The following SETBP1 variants were observed in gnomAD, a reference collection of about 807,000 sequenced individuals.
The protein encoded by SETBP1 is SET binding protein 1.
Under a neutral mutation model 101.0 loss-of-function variants are expected in SETBP1, and 9 were observed. That is an observed-to-expected ratio of 0.09 (90% CI 0.05 to 0.16). SETBP1 has a LOEUF of 0.16. Ranked by LOEUF, SETBP1 falls within the 10% of genes least tolerant of loss-of-function variation. The pLI is 1.00. For missense variants in SETBP1, 1,858 were observed against 2,033.8 expected (o/e 0.91, Z 1.66); for synonymous variants, 818 against 788.5 (o/e 1.04, Z -0.63).
At chr18:44,853,352 CTGA>C (rs1022505312) in intron 2 of SETBP1, among the ~76,000 whole-genome samples, 1 of 152,208 alleles carries the variant, frequency 6.6e-6, no homozygotes, top group Non-Finnish European at 1.5e-5. Context: ...GTATCTTCTC[CTGA>C]TGATCTCATT....
At chr18:45,038,395 A>G in intron 4 of SETBP1, 90 bp from the exon 5 acceptor site, 1 of 1,180,828 alleles carries the variant, frequency 8.5e-7, no homozygotes, top group Non-Finnish European at 1.3e-6. Context: ...AAATCATTTG[A>G]CCATTTCCTC....
intron 2 of SETBP1, among the ~76,000 whole-genome samples, chr18:44,855,795 A>G (rs753628279): frequency 6.6e-6 from 1 of 152,210 alleles, no homozygotes; most frequent in Non-Finnish European, 1.5e-5. Flanking sequence ...TGCCTGCCAC[A>G]TTGAGGGGAA....
At chr18:44,690,317 T>C (rs1368819219) in intron 1 of SETBP1, among the ~76,000 whole-genome samples, 4 of 152,220 alleles carry the variant, frequency 2.6e-5, no homozygotes, top group East Asian at 1.9e-4. Context: ...CTGGTATGCT[T>C]AGCATCTCCT....
chr18:44,714,917 C>T (rs554064449), intron 2 of SETBP1, among the ~76,000 whole-genome samples: 20 of 152,228 alleles, frequency 1.3e-4, no homozygotes, highest in African/African-American at 4.3e-4. Flanking sequence ...GCTGTTCCTT[C>T]TTTTGGGTTT....
intron 2 of SETBP1, among the ~76,000 whole-genome samples, chr18:44,713,791 G>A (rs1185354008): frequency 6.6e-6 from 1 of 152,124 alleles, no homozygotes; most frequent in East Asian, 1.9e-4. Flanking sequence ...CGATTCTCTA[G>A]GCTAAAATTC....
At chr18:44,796,352 C>T (rs2071475235) in intron 2 of SETBP1, among the ~76,000 whole-genome samples, 1 of 152,150 alleles carries the variant, frequency 6.6e-6, no homozygotes, top group African/African-American at 2.4e-5. Context: ...CTGCCTATTG[C>T]GCTAGGAGAG....
At chr18:44,771,802 A>G (rs964342034) in intron 2 of SETBP1, among the ~76,000 whole-genome samples, 3 of 152,226 alleles carry the variant, frequency 2.0e-5, no homozygotes, top group Non-Finnish European at 4.4e-5. Context: ...CTGGAGGTGC[A>G]GCAAGAACAG....
At chr18:45,043,311 G>T (rs1265328352) in intron 5 of SETBP1, among the ~76,000 whole-genome samples, 1 of 151,854 alleles carries the variant, frequency 6.6e-6, no homozygotes, top group African/African-American at 2.4e-5. Context: ...GCACTTGAAA[G>T]ACTAGACTAG....
At chr18:44,821,954 G>T (rs1390321793) in intron 2 of SETBP1, among the ~76,000 whole-genome samples, 2 of 152,198 alleles carry the variant, frequency 1.3e-5, no homozygotes, top group Non-Finnish European at 2.9e-5. Flanking sequence ...TGCTGCTGGA[G>T]CAGGAAGGCA....
chr18:44,876,493 G>T lies in SETBP1; in HGVS notation c.540+7210G>T, dbSNP rs893327878. 4 of 1,069,302 alleles carry T rather than the reference G, an allele frequency of 3.7e-6. No homozygotes were observed. The African/African-American group carries it at 6.3e-5, about 17-fold the overall frequency. The allele number at this position is 1,069,302 out of a possible 1,614,324, so 66.2% of individuals were successfully genotyped here. ...AACCCCTGTAGTGTGGATTGAATTG[G>T]TCTGGGTGGGGTCTGGATATTGGTA... On this transcript the variant is annotated intron_variant, in intron 3 of 5. Transcript: ENST00000649279.
rs1255238861 is a variant in SETBP1, at chr18:44,869,237, C to T, written c.494C>T (p.Thr165Ile). The T allele has an allele frequency of 1.9e-6, 3 of 1,613,814 alleles. No homozygotes were observed. The highest frequency in any genetic ancestry group is 1.6e-4 in the Middle Eastern group (1 of 6,080). ...TTCTTTATTCTTTTGCAGCTCCTCA[C>T]AGCCAGTGACCTTGCAGCCAGTGAC... is the stretch of plus-strand genomic sequence containing the variant. ...ERSHSKKKLL[T>I]ASDLAASDLK... Residue 165 changes from threonine (T) to isoleucine (I), a missense_variant, in exon 3 of 6, where the codon ACA (threonine) becomes ATA (isoleucine). Thr to Ile is a moderately conservative substitution (Grantham distance 89, BLOSUM62 -1). Transcript: ENST00000649279.
intron 4 of SETBP1, among the ~76,000 whole-genome samples, chr18:44,999,394 T>C (rs2072567852): frequency 1.3e-5 from 2 of 152,226 alleles, no homozygotes; most frequent in Admixed American, 1.3e-4. Context: ...TAGAAAAATC[T>C]CATTTTAATC....
At chr18:44,788,789 A>G (rs1042015005) in intron 2 of SETBP1, among the ~76,000 whole-genome samples, 1 of 118,320 alleles carries the variant, frequency 8.5e-6, no homozygotes, top group East Asian at 2.4e-4. Context: ...TTTCCTTTTT[A>G]ATTTTTTTTT....
At chr18:44,682,666 C>CGACT (rs2068778015) in intron 1 of SETBP1, among the ~76,000 whole-genome samples, 1 of 152,078 alleles carries the variant, frequency 6.6e-6, no homozygotes, top group Non-Finnish European at 1.5e-5. Context: ...GGGGGAAAGT[C>CGACT]GGAAGAGGAG....
chr18:45,042,905 T>C (rs1217578973), intron 5 of SETBP1, among the ~76,000 whole-genome samples: 2 of 152,156 alleles, frequency 1.3e-5, no homozygotes, highest in East Asian at 3.9e-4. Flanking sequence ...CAATAGCTAT[T>C]GATCAGCTGC....
rs542715109 is a variant in SETBP1, at chr18:44,931,222, A to T, written c.541-18659A>T. On this transcript the variant is annotated intron_variant, in intron 3 of 5. Transcript: ENST00000649279. ...CCCAGTAGTCATTCAGGAGCAGGTT[A>T]TTCAGTTTCCATGTAGTTGAGCGGT... is the stretch of plus-strand genomic sequence containing the variant. 4.2e-4 allele frequency among the ~76,000 whole-genome samples: 64 copies of T among 152,228 alleles called. 2 individuals carry two copies. In the South Asian group the frequency reaches 0.013, roughly 30 times the overall value.
At chr18:45,049,534 T>A (rs2073686901) in intron 5 of SETBP1, among the ~76,000 whole-genome samples, 2 of 152,188 alleles carry the variant, frequency 1.3e-5, no homozygotes, top group Admixed American at 6.5e-5. Flanking sequence ...GAAACTGTCA[T>A]CTTTGGGCTC....
At chr18:44,973,783 G>A (rs182413669) in intron 4 of SETBP1, among the ~76,000 whole-genome samples, 235 of 152,272 alleles carry the variant, frequency 1.5e-3, no homozygotes, top group African/African-American at 5.4e-3. Context: ...GGATAGCCGC[G>A]GTAAGTGGAG....
intron 3 of SETBP1, among the ~76,000 whole-genome samples, chr18:44,947,213 A>G (rs1221687168): frequency 1.3e-5 from 2 of 152,180 alleles, no homozygotes; most frequent in African/African-American, 2.4e-5. Context: ...GGGTATTTCT[A>G]TAAGGTAGGG....
Sources: allele counts gnomAD v4.1 joint callset (sites outside exome capture counted in the v4.1 genomes callset), GRCh38; gene constraint gnomAD v4.1.1; transcripts MANE v1.5; gene names NCBI Gene and HGNC (gene_info 2026-07-23, HGNC 2026-07-21).